The following CNTN4 variants were observed in gnomAD, a reference collection of about 807,000 sequenced individuals.
CNTN4 encodes the protein contactin 4.
A neutral mutation model predicts 122.5 loss-of-function variants in CNTN4; 77 were observed. The ratio of observed to expected loss-of-function variants is 0.63; its 90% CI spans 0.52 to 0.76. The LOEUF (loss-of-function observed/expected upper bound fraction) is 0.76. CNTN4 is among the 30% of genes least tolerant of loss of function. The pLI is 0.00. For missense variants in CNTN4, 1,256 were observed against 1,259.1 expected (o/e 1.00, Z 0.04); for synonymous variants, 512 against 447.0 (o/e 1.15, Z -1.83).
intron 2 of CNTN4, among the ~76,000 whole-genome samples, chr3:2,186,881 G>T (rs909647315): frequency 6.6e-6 from 1 of 152,132 alleles, no homozygotes; most frequent in Non-Finnish European, 1.5e-5. Context: ...TAGGTTGCCT[G>T]TTCACTCTGA....
intron 7 of CNTN4, among the ~76,000 whole-genome samples, chr3:2,842,885 A>G (rs2093388501): frequency 1.3e-5 from 2 of 150,450 alleles, no homozygotes; most frequent in South Asian, 4.2e-4. Flanking sequence ...TTTCCCTGTC[A>G]TCTACTCATA....
chr3:2,694,910 T>C (rs1292594433), intron 4 of CNTN4, among the ~76,000 whole-genome samples: 1 of 152,212 alleles, frequency 6.6e-6, no homozygotes. Context: ...CCTCTCTTAC[T>C]ACCCCTGAAG....
At chr3:2,573,158 T>G (rs2079502809) in intron 4 of CNTN4, among the ~76,000 whole-genome samples, 1 of 152,220 alleles carries the variant, frequency 6.6e-6, no homozygotes, top group Admixed American at 6.5e-5. Flanking sequence ...TTTAGTTGTC[T>G]TGAGGATTTG....
At position 2,571,459 on chromosome 3, in the gene CNTN4, G is replaced by A. The variant is rs192393093; in HGVS notation, c.-45G>A. 188 of 1,412,430 alleles carry A rather than the reference G, an allele frequency of 1.3e-4. 1 individual carries two copies. In the African/African-American group the frequency reaches 1.8e-3, roughly 13 times the overall value. The allele number at this position is 1,412,430 out of a possible 1,614,324, so 87.5% of individuals were successfully genotyped here. A position where few individuals can be genotyped will look rare whatever the true frequency, so the allele number is the denominator to read the frequency against. ...CTTAAAAGAAGCAGCAATTCTATTC[G>A]CTTGTTATTGGACTTGAAACTCCCT... On this transcript the variant is annotated 5_prime_UTR_variant, in exon 4 of 25. Transcript: ENST00000418658.
intron 3 of CNTN4, among the ~76,000 whole-genome samples, chr3:2,516,090 A>G (rs1305470171): frequency 6.6e-6 from 1 of 151,898 alleles, no homozygotes. Context: ...CATTTTTATT[A>G]TTGGGAGGTC....
intron 14 of CNTN4, among the ~76,000 whole-genome samples, chr3:3,011,625 A>T (rs1371073565): frequency 6.6e-6 from 1 of 152,194 alleles, no homozygotes; most frequent in Non-Finnish European, 1.5e-5. Context: ...TGATACTTTC[A>T]CTAGCAACAA....
chr3:2,162,867 C>T lies in CNTN4; in HGVS notation c.-145+62228C>T, dbSNP rs149629302. ...GTCCCAGCACTTTGGGAGGCAGAGG[C>T]GGGTGGGTGGCTTGAGTCCAGGAGT... On this transcript the variant is annotated intron_variant, in intron 2 of 24. Coordinates refer to ENST00000418658, the MANE Select transcript of CNTN4 (RefSeq NM_175607.3). Among the ~76,000 whole-genome samples, 662 of 152,086 alleles carry T rather than the reference C, an allele frequency of 4.4e-3. 4 individuals carry two copies. The highest frequency in any genetic ancestry group is 0.015 in the African/African-American group (621 of 41,480).
chr3:2,755,893 A>G (rs1301824168), intron 6 of CNTN4, among the ~76,000 whole-genome samples: 3 of 152,226 alleles, frequency 2.0e-5, no homozygotes, highest in African/African-American at 7.2e-5. Flanking sequence ...AAAAAAACCA[A>G]GGTACTAAAA....
chr3:2,794,881 G>A (rs2092122616), intron 6 of CNTN4, among the ~76,000 whole-genome samples: 1 of 152,172 alleles, frequency 6.6e-6, no homozygotes, highest in Non-Finnish European at 1.5e-5. Context: ...GGGCAAGGGA[G>A]CTCTGTCGGG....
At chr3:2,183,356 A>G (rs2037103422) in intron 2 of CNTN4, among the ~76,000 whole-genome samples, 1 of 152,154 alleles carries the variant, frequency 6.6e-6, no homozygotes, top group African/African-American at 2.4e-5. Flanking sequence ...TCTTCTACAT[A>G]TGTTTTCTCT....
chr3:2,270,030 A>G (rs1153493), intron 2 of CNTN4, among the ~76,000 whole-genome samples: 1 of 95,894 alleles, frequency 1.0e-5, no homozygotes, highest in Non-Finnish European at 2.4e-5. Context: ...GCTCACTGCA[A>G]GCTCCGCTTC....
At chr3:2,843,529 A>G (rs1024418898) in intron 7 of CNTN4, among the ~76,000 whole-genome samples, 4 of 152,068 alleles carry the variant, frequency 2.6e-5, no homozygotes, top group Admixed American at 6.5e-5. Context: ...TAACCCCCCA[A>G]TGTTGGAGGT....
At chr3:2,736,402 A>T in intron 5 of CNTN4, 61 bp downstream of exon 5, 1 of 1,340,180 alleles carries the variant, frequency 7.5e-7, no homozygotes, top group South Asian at 1.2e-5. Flanking sequence ...AAATCAACAA[A>T]TACTTATACA....
intron 2 of CNTN4, among the ~76,000 whole-genome samples, chr3:2,159,747 T>C (rs976082581): frequency 6.6e-6 from 1 of 152,182 alleles, no homozygotes; most frequent in Non-Finnish European, 1.5e-5. Context: ...AGTTTTATTT[T>C]TAAAGTTATG....
chr3:2,346,768 A>T (rs757405478), intron 3 of CNTN4, among the ~76,000 whole-genome samples: 22 of 152,200 alleles, frequency 1.4e-4, no homozygotes, highest in South Asian at 4.1e-4. Flanking sequence ...GATATTTCTT[A>T]CATTTGGAGT....
In CNTN4 at chr3:2,430,010, C is replaced by T. The variant is rs756653963; in HGVS notation, c.-89+90777C>T. 5.9e-5 allele frequency among the ~76,000 whole-genome samples: 9 copies of T among 152,282 alleles called. No individual in the cohort carries two copies. In the South Asian group the frequency reaches 1.0e-3, roughly 18 times the overall value. On this transcript the variant is annotated intron_variant, in intron 3 of 24. Transcript: ENST00000418658. The stretch of plus-strand genomic sequence containing the variant: ...GGAAAGGGAATTCCCGGACCCCTTG[C>T]GCTTCCCGGGTGAGGTGATGCCTCG...
chr3:2,735,353 C>T (rs1321179410), intron 4 of CNTN4, among the ~76,000 whole-genome samples: 1 of 152,186 alleles, frequency 6.6e-6, no homozygotes, highest in African/African-American at 2.4e-5. Context: ...GTGTACTCGA[C>T]ACTGCCACTT....
chr3:2,242,835 C>T (rs1414297229), intron 2 of CNTN4, among the ~76,000 whole-genome samples: 1 of 152,094 alleles, frequency 6.6e-6, no homozygotes, highest in African/African-American at 2.4e-5. Context: ...GATCCAGTAT[C>T]TTGAGAGTTG....
At chr3:2,143,659 C>T (rs987507902) in intron 2 of CNTN4, among the ~76,000 whole-genome samples, 1 of 152,114 alleles carries the variant, frequency 6.6e-6, no homozygotes, top group Non-Finnish European at 1.5e-5. Flanking sequence ...CTAGGCATTG[C>T]ACCCTGTTCT....
Sources: allele counts gnomAD v4.1 joint callset (sites outside exome capture counted in the v4.1 genomes callset), GRCh38; gene constraint gnomAD v4.1.1; transcripts MANE v1.5; gene names NCBI Gene and HGNC (gene_info 2026-07-23, HGNC 2026-07-21).